Variants in MACROD2 observed in about 807,000 individuals in gnomAD.
The protein encoded by MACROD2 is mono-ADP ribosylhydrolase 2, also known as ADP-ribose glycohydrolase MACROD2.
In MACROD2, 36 loss-of-function variants were observed where a neutral mutation model predicts 70.4. The ratio of observed to expected loss-of-function variants is 0.51; its 90% CI spans 0.39 to 0.68. MACROD2 has a LOEUF of 0.68. MACROD2 is among the 30% of genes least tolerant of loss of function. The probability of loss-of-function intolerance (pLI) is 0.00; values close to 1 mark genes in which losing one functional copy is unlikely to be tolerated. For missense variants in MACROD2, 496 were observed against 538.4 expected, an observed-to-expected ratio of 0.92 and a Z score of 0.78; for synonymous variants, 172 against 178.8, an observed-to-expected ratio of 0.96 and a Z score of 0.30.
At chr20:13,998,004 A>T (rs1419326467) in intron 1 of MACROD2, among the ~76,000 whole-genome samples, 1 of 152,164 alleles carries the variant, frequency 6.6e-6, no homozygotes, top group Non-Finnish European at 1.5e-5. Flanking sequence ...AGCTAAAGGA[A>T]GGCTTACCTA....
At chr20:14,548,925 G>A (rs1054591062) in intron 4 of MACROD2, among the ~76,000 whole-genome samples, 2 of 152,118 alleles carry the variant, frequency 1.3e-5, no homozygotes, top group African/African-American at 2.4e-5. Flanking sequence ...AACTCTGCAC[G>A]TGCCTCGGAG....
intron 4 of MACROD2, among the ~76,000 whole-genome samples, chr20:14,625,371 T>G (rs1266946771): frequency 6.6e-6 from 1 of 151,524 alleles, no homozygotes; most frequent in Non-Finnish European, 1.5e-5. Flanking sequence ...TGAGGGGGTA[T>G]AGGAAGTGGT....
rs931271893 is a variant in MACROD2, at chr20:16,051,887, C to T, written c.*2011C>T. The T allele has an allele frequency of 2.0e-5, 3 of 152,102 alleles. No homozygotes were observed. Among genetic ancestry groups the T allele is most frequent in the African/African-American group, 4.8e-5 (2 of 41,398 alleles). 9.4% of individuals were successfully genotyped at this position (152,102 alleles called of 1,614,324 possible). On this transcript the variant is annotated 3_prime_UTR_variant, in exon 18 of 18. Transcript: ENST00000684519. ...AGAGGGACAGAGATTTTCTAATGAA[C>T]AATGATGGAAGAGACCTAATGTCCT...
chr20:15,489,890 T>C (rs1228240819), intron 7 of MACROD2, among the ~76,000 whole-genome samples: 1 of 152,128 alleles, frequency 6.6e-6, no homozygotes, highest in East Asian at 1.9e-4. Context: ...ACTTTTCCTC[T>C]CCTGTAAAAT....
intron 5 of MACROD2, among the ~76,000 whole-genome samples, chr20:15,129,442 G>C (rs1173818193): frequency 1.3e-5 from 2 of 152,054 alleles, no homozygotes; most frequent in African/African-American, 2.4e-5. Context: ...TCCTTGCACA[G>C]ATTTACATGG....
intron 3 of MACROD2, among the ~76,000 whole-genome samples, chr20:14,309,523 G>C (rs2082548162): frequency 6.6e-6 from 1 of 152,054 alleles, no homozygotes; most frequent in Non-Finnish European, 1.5e-5. Context: ...CTGTTCCCTC[G>C]GGTGATATTC....
intron 13 of MACROD2, among the ~76,000 whole-genome samples, chr20:15,978,466 G>A (rs2066343286): frequency 6.6e-6 from 1 of 152,222 alleles, no homozygotes; most frequent in South Asian, 2.1e-4. Flanking sequence ...AACCGACAAA[G>A]AACCCCAGGG....
intron 9 of MACROD2, among the ~76,000 whole-genome samples, chr20:15,864,725 T>G (rs2064468897): frequency 6.6e-6 from 1 of 152,120 alleles, no homozygotes; most frequent in Non-Finnish European, 1.5e-5. Context: ...TGCATTGCAG[T>G]ACATGAGCAA....
chr20:14,894,835 T>C (rs1020788332), intron 5 of MACROD2: 2 of 152,164 alleles, frequency 1.3e-5, no homozygotes, highest in African/African-American at 2.4e-5. Context: ...TGTACAGCTT[T>C]TGTGGATCAG....
chr20:14,098,652 T>C (rs1003831055), intron 3 of MACROD2, among the ~76,000 whole-genome samples: 6 of 152,204 alleles, frequency 3.9e-5, no homozygotes, highest in African/African-American at 1.4e-4. Context: ...AATGTTATTT[T>C]TATGTATTTG....
intron 16 of MACROD2, among the ~76,000 whole-genome samples, chr20:16,043,248 G>T (rs1408350951): frequency 1.3e-5 from 2 of 152,010 alleles, no homozygotes; most frequent in Non-Finnish European, 2.9e-5. Flanking sequence ...TTGTATTAGG[G>T]AATACATTTG....
intron 3 of MACROD2, among the ~76,000 whole-genome samples, chr20:14,383,309 TTTTTTTTTTGC>T (rs1568587315): frequency 2.6e-3 from 1 of 390 alleles, no homozygotes; most frequent in South Asian, 0.25. Context: ...CGTTTTTTGT[TTTTTTTTTTGC>T]TTTTTTTTTG....
At chr20:14,699,087 G>A (rs2071161985) in intron 5 of MACROD2, among the ~76,000 whole-genome samples, 1 of 152,086 alleles carries the variant, frequency 6.6e-6, no homozygotes, top group African/African-American at 2.4e-5. Context: ...AAAGCAAGAA[G>A]GAAGAGGTTT....
rs1601204134 is a variant in MACROD2, at chr20:14,085,601, A to G, written c.164-20A>G. The stretch of plus-strand genomic sequence containing the variant: ...TAATTAATAATATTATTATTGATAT[A>G]TATCCATTTTCTATTACAGAAGAAA... On this transcript the variant is annotated intron_variant, in intron 2 of 17. Transcript: ENST00000684519. The G allele has an allele frequency of 7.6e-7, 1 of 1,316,192 alleles. No homozygotes were observed. The highest frequency in any genetic ancestry group is 1.0e-6 in the Non-Finnish European group (1 of 954,870). 81.5% of individuals were successfully genotyped at this position (1,316,192 alleles called of 1,614,324 possible).
chr20:14,714,394 C>T (rs2071373627), intron 5 of MACROD2, among the ~76,000 whole-genome samples: 1 of 152,102 alleles, frequency 6.6e-6, no homozygotes, highest in Admixed American at 6.5e-5. Flanking sequence ...TGTCCCCATC[C>T]ACTCTGTTCT....
intron 2 of MACROD2, among the ~76,000 whole-genome samples, chr20:14,079,050 T>C (rs2053954404): frequency 6.6e-6 from 1 of 152,220 alleles, no homozygotes; most frequent in Non-Finnish European, 1.5e-5. Context: ...CCAAATTCCC[T>C]CACCAGTTTT....
chr20:15,598,448 T>C (rs574754825), intron 8 of MACROD2, among the ~76,000 whole-genome samples: 54 of 152,260 alleles, frequency 3.5e-4, no homozygotes, highest in Non-Finnish European at 6.5e-4. Context: ...CATGTAGGTG[T>C]AATACCCTCA....
intron 3 of MACROD2, among the ~76,000 whole-genome samples, chr20:14,405,881 A>C (rs1209420285): frequency 6.6e-6 from 1 of 152,162 alleles, no homozygotes; most frequent in Non-Finnish European, 1.5e-5. Context: ...TTACAGCACT[A>C]TGGTTTCAAT....
chr20:14,779,547 A>G (rs922549836), intron 5 of MACROD2, among the ~76,000 whole-genome samples: 1 of 152,084 alleles, frequency 6.6e-6, no homozygotes, highest in African/African-American at 2.4e-5. Context: ...ACCGCTTTCT[A>G]TTATTCAAAA....
Sources: allele counts gnomAD v4.1 joint callset (sites outside exome capture counted in the v4.1 genomes callset), GRCh38; gene constraint gnomAD v4.1.1; transcripts MANE v1.5; gene names NCBI Gene and HGNC (gene_info 2026-07-23, HGNC 2026-07-21).